The following AKAP8 variants were observed in gnomAD, a reference collection of about 807,000 sequenced individuals.
AKAP8 encodes the protein A-kinase anchor protein 8.
Under a neutral mutation model 67.5 loss-of-function variants are expected in AKAP8, and 24 were observed. The observed-to-expected ratio is 0.36, with a 90% CI of 0.26 to 0.50. The LOEUF (loss-of-function observed/expected upper bound fraction) is 0.50. Among genes scored for constraint, AKAP8 ranks in the 20% least tolerant of loss-of-function variants. The pLI is 0.97. For synonymous variants in AKAP8, 400 were observed against 371.1 expected (o/e 1.08, Z -0.90); for missense variants, 971 against 955.9 (o/e 1.02, Z -0.21).
intron 9 of AKAP8, 86 bp from the exon 10 acceptor site, chr19:15,362,337 G>C: frequency 6.8e-7 from 1 of 1,480,276 alleles, no homozygotes; most frequent in South Asian, 1.2e-5. Context: ...GAGGAGAGCT[G>C]AAATAGAAAC....
At chr19:15,362,081 C>G in intron 10 of AKAP8, 29 bp downstream of exon 10, 1 of 1,611,840 alleles carries the variant, frequency 6.2e-7, no homozygotes, top group East Asian at 2.2e-5. Flanking sequence ...GGGCAAGAGA[C>G]GCGGTGACGG....
chr19:15,362,510 G>A (rs540983633), intron 9 of AKAP8, among the ~76,000 whole-genome samples: 36 of 152,044 alleles, frequency 2.4e-4, no homozygotes, highest in East Asian at 2.3e-3. Flanking sequence ...GGCGCGCGCC[G>A]CCACGCCTGA....
chr19:15,360,720 G>A lies in AKAP8; in HGVS notation c.1527+128C>T, dbSNP rs1599557620. The A allele has an allele frequency of 6.7e-6, 8 of 1,187,482 alleles. No homozygotes were observed. The South Asian group carries it at 1.1e-4, about 16-fold the overall frequency. The allele number at this position is 1,187,482 out of a possible 1,614,324, so 73.6% of individuals were successfully genotyped here. A position where few individuals can be genotyped will look rare whatever the true frequency, so the allele number is the denominator to read the frequency against. ...ATTGAGACGAATCTTACGACCCATCGATGGAAGTGATAGACTTGAAACATA... is the reference window on the plus strand; with the variant it reads ...ATTGAGACGAATCTTACGACCCATCAATGGAAGTGATAGACTTGAAACATA... On this transcript the variant is annotated intron_variant, in intron 12 of 13. Transcript: ENST00000269701.
In AKAP8 at chr19:15,373,569, C is replaced by T. The variant is rs114359922; in HGVS notation, c.371+217G>A. The T allele has an allele frequency of 3.0e-3, 2,685 of 904,152 alleles. 38 individuals carry two copies. The African/African-American group carries it at 0.04, about 13-fold the overall frequency. 56.0% of individuals were successfully genotyped at this position (904,152 alleles called of 1,614,324 possible). On this transcript the variant is annotated intron_variant, in intron 4 of 13. Transcript: ENST00000269701. ...AGCATGATGTAGAAAAAAGGAGTCT[C>T]GGGGAGCTTAGCCAACAACCACGCC...
chr19:15,378,083 C>T (rs1354898503), intron 1 of AKAP8, among the ~76,000 whole-genome samples: 1 of 152,176 alleles, frequency 6.6e-6, no homozygotes, highest in African/African-American at 2.4e-5. Flanking sequence ...TAGTGCGTGC[C>T]GATACACCGC....
intron 1 of AKAP8, among the ~76,000 whole-genome samples, chr19:15,378,673 T>G (rs545486056): frequency 2.0e-5 from 3 of 152,202 alleles, no homozygotes; most frequent in African/African-American, 7.2e-5. Context: ...ACTTTTGCCC[T>G]GCCACTTCTC....
chr19:15,364,077 TAAA>T (rs1967026373), intron 9 of AKAP8, among the ~76,000 whole-genome samples: 6 of 11,070 alleles, frequency 5.4e-4, no homozygotes, highest in Non-Finnish European at 8.5e-4. Flanking sequence ...AATAAATAAA[TAAA>T]TAAATAAATA....
chr19:15,361,829 G>A lies in AKAP8; in HGVS notation c.1303-7C>T. On this transcript the variant is annotated splice_polypyrimidine_tract_variant and splice_region_variant and intron_variant, in intron 10 of 13. Coordinates refer to ENST00000269701, the MANE Select transcript of AKAP8 (RefSeq NM_005858.4). ...TTCTGTTTACAATGTATTCCTAGGTGGGATTGGAGAGGGCATAAAGTAAAA... is the reference window on the plus strand; with the variant it reads ...TTCTGTTTACAATGTATTCCTAGGTAGGATTGGAGAGGGCATAAAGTAAAA... The A allele has an allele frequency of 6.2e-7, 1 of 1,610,724 alleles. No individual in the cohort carries two copies. Among genetic ancestry groups the A allele is most frequent in the South Asian group, 1.1e-5 (1 of 91,000 alleles).
Position 15,353,978 on chromosome 19 carries a change from G to A in AKAP8, c.*937C>T, listed in dbSNP as rs952846488. ...ATACCTTCTATCTATGGCAATTTAT[G>A]TTGGATTATTCCACCTATGGCAATC... On this transcript the variant is annotated 3_prime_UTR_variant, in exon 14 of 14. Transcript: ENST00000269701. The A allele has an allele frequency of 2.6e-5, 4 of 151,004 alleles. No individual in the cohort carries two copies. The highest frequency in any genetic ancestry group is 5.9e-5 in the Non-Finnish European group (4 of 67,860). 9.4% of individuals were successfully genotyped at this position (151,004 alleles called of 1,614,324 possible). A position where few individuals can be genotyped will look rare whatever the true frequency, so the allele number is the denominator to read the frequency against.
chr19:15,373,433 C>G, intron 4 of AKAP8, 93 bp from the exon 5 acceptor site: 1 of 1,463,196 alleles, frequency 6.8e-7, no homozygotes, highest in South Asian at 1.4e-5. Context: ...ACATTCAAAA[C>G]AGCAAACCAA....
chr19:15,373,311 T>A lies in AKAP8; in HGVS notation c.401A>T (p.Tyr134Phe). 6.2e-7 allele frequency: 1 copy of A among 1,612,462 alleles called. No homozygotes were observed. The highest frequency in any genetic ancestry group is 8.5e-7 in the Non-Finnish European group (1 of 1,179,368). The change falls in exon 5 of 14, where the codon TAT becomes TTT. Residue 134 changes from tyrosine to phenylalanine, a missense_variant. By Grantham distance (22) the Tyr-to-Phe change is conservative (BLOSUM62 3). Transcript: ENST00000269701. ...SSFRFQPFES[Y>F]DSRPCLPEHN... Reference sequence around the variant, plus strand: ...CTCCGGCAGGCAGGGCCTGGAGTCATAGGACTCGAACGGCTGGAAGCGGAA... The same window carrying A: ...CTCCGGCAGGCAGGGCCTGGAGTCAAAGGACTCGAACGGCTGGAAGCGGAA...
rs967704562 is a variant in AKAP8, at chr19:15,373,712, G to C, written c.371+74C>G. On this transcript the variant is annotated intron_variant, in intron 4 of 13. Coordinates refer to ENST00000269701, the MANE Select transcript of AKAP8 (RefSeq NM_005858.4). Reference sequence around the variant, plus strand: ...GGCGGGGACAGGCCCTCCCTCAAGAGTGGGTGCCCACTCCCATGCGCACAA... The same window carrying C: ...GGCGGGGACAGGCCCTCCCTCAAGACTGGGTGCCCACTCCCATGCGCACAA... The C allele has an allele frequency of 3.3e-6, 5 of 1,497,228 alleles. No individual in the cohort carries two copies. The East Asian group carries it at 9.3e-5, about 28-fold the overall frequency. The allele number at this position is 1,497,228 out of a possible 1,614,324, so 92.7% of individuals were successfully genotyped here.
At position 15,379,755 on chromosome 19, in the gene AKAP8, G is replaced by A. The variant is rs1967343442; in HGVS notation, c.-24C>T. Reference sequence around the variant, plus strand: ...ATGTCTTCGACGCGGCCCACCAGCAGCCCCGTTTACTAGGCGACCACAGCA... The same window carrying A: ...ATGTCTTCGACGCGGCCCACCAGCAACCCCGTTTACTAGGCGACCACAGCA... On this transcript the variant is annotated 5_prime_UTR_variant, in exon 1 of 14. Coordinates refer to ENST00000269701, the MANE Select transcript of AKAP8 (RefSeq NM_005858.4). 1.2e-6 allele frequency: 2 copies of A among 1,610,488 alleles called. No homozygotes were observed. Among genetic ancestry groups the A allele is most frequent in the Admixed American group, 1.7e-5 (1 of 59,650 alleles).
chr19:15,355,064 T>C lies in AKAP8; in HGVS notation c.1930A>G (p.Ser644Gly). The C allele has an allele frequency of 6.2e-7, 1 of 1,614,144 alleles. No individual in the cohort carries two copies. Among genetic ancestry groups the C allele is most frequent in the Non-Finnish European group, 8.5e-7 (1 of 1,180,044 alleles). The change falls in exon 14 of 14, where the codon AGT becomes GGT. Residue 644 changes from serine to glycine, a missense_variant. Physicochemically the swap from Ser to Gly is moderately conservative, Grantham distance 56 (BLOSUM62 0). Around this residue, in one of 3 missense-constraint regions of AKAP8, gnomAD observed 204 missense variants for 193.0 expected, o/e 1.06. Transcript: ENST00000269701. ...CCATTTCCAGCCTCTGCAGCCTCAC[T>C]TCTGGCCTTGGGGACGCCCTTCTCA... The part of the protein sequence containing the change: ...AHEKGVPKAR[S>G]EAAEAGNGAE...
chr19:15,379,357 G>C (rs1427731766), intron 1 of AKAP8: 4 of 290,092 alleles, frequency 1.4e-5, no homozygotes, highest in Non-Finnish European at 2.5e-5. Context: ...GGAAGAGGAA[G>C]CCGGGAGTGC....
chr19:15,370,678 C>T (rs924518623), intron 7 of AKAP8, among the ~76,000 whole-genome samples: 1 of 124,056 alleles, frequency 8.1e-6, no homozygotes, highest in African/African-American at 3.1e-5. Flanking sequence ...GTCTCCCAGG[C>T]TGGAGTGCAA....
intron 11 of AKAP8, 150 bp downstream of exon 11, chr19:15,361,579 C>T: frequency 1.6e-6 from 1 of 630,586 alleles, no homozygotes; most frequent in Non-Finnish European, 2.8e-6. Context: ...GCCTTGATCT[C>T]CTGACCTCAT....
chr19:15,355,203 T>C lies in AKAP8; in HGVS notation c.1791A>G (p.Pro597=), dbSNP rs760863073. The change falls in exon 14 of 14, where the codon CCA becomes CCG. Residue 597 remains proline (P), a synonymous_variant. Transcript: ENST00000269701. The part of the protein sequence containing the change: ...RAVDGEGAPA[P]ESSGEPAEDE... ...CCTCAGCCGGCTCCCCGCTGCTCTC[T>C]GGAGCGGGCGCTCCTTCCCCATCTA... 1.4e-5 allele frequency: 23 copies of C among 1,611,570 alleles called. No individual in the cohort carries two copies. In the Middle Eastern group the frequency reaches 2.1e-3, roughly 150 times the overall value.
At chr19:15,370,960 C>T (rs758202284) in intron 7 of AKAP8, among the ~76,000 whole-genome samples, 18 of 152,124 alleles carry the variant, frequency 1.2e-4, no homozygotes, top group Non-Finnish European at 2.2e-4. Flanking sequence ...ATAACAATCA[C>T]GTATAGATAA....
Sources: gnomAD v4.1 joint callset for allele counts (sites outside exome capture counted in the v4.1 genomes callset) on GRCh38, gnomAD v4.1.1 for gene constraint, gnomAD v4.1.1 regional missense constraint, MANE v1.5 for transcripts, NCBI Gene and HGNC (gene_info 2026-07-23, HGNC 2026-07-21) for gene names.